The following DMRT1 variants were observed in gnomAD, a reference collection of about 807,000 sequenced individuals.
DMRT1 encodes the protein doublesex- and mab-3-related transcription factor 1.
Under a neutral mutation model 32.3 loss-of-function variants are expected in DMRT1, and 7 were observed. The ratio of observed to expected loss-of-function variants is 0.22; its 90% CI spans 0.12 to 0.41. The LOEUF is 0.41. Ranked by LOEUF, DMRT1 falls within the 10% of genes least tolerant of loss-of-function variation. DMRT1 has a pLI of 1.00. For missense variants in DMRT1, 625 were observed against 500.5 expected, an observed-to-expected ratio of 1.25 and a Z score of -2.37; for synonymous variants, 278 against 206.1, an observed-to-expected ratio of 1.35 and a Z score of -2.99.
chr9:888,359 G>A (rs1371234805), intron 2 of DMRT1, among the ~76,000 whole-genome samples: 1 of 151,202 alleles, frequency 6.6e-6, no homozygotes, highest in Non-Finnish European at 1.5e-5. Context: ...AGGCTGGAGT[G>A]CAGTGGTGCG....
chr9:898,590 G>T (rs1817459582), intron 3 of DMRT1, among the ~76,000 whole-genome samples: 2 of 152,168 alleles, frequency 1.3e-5, no homozygotes, highest in Admixed American at 1.3e-4. Context: ...TTCTTTGGTT[G>T]CTGCCCTGCT....
chr9:927,664 C>G (rs930474674), intron 4 of DMRT1, among the ~76,000 whole-genome samples: 2 of 152,132 alleles, frequency 1.3e-5, no homozygotes, highest in Non-Finnish European at 2.9e-5. Context: ...ACGGGGTATA[C>G]AATAGATGCT....
chr9:852,620 T>C (rs1815202736), intron 2 of DMRT1, among the ~76,000 whole-genome samples: 1 of 152,232 alleles, frequency 6.6e-6, no homozygotes, highest in Admixed American at 6.5e-5. Context: ...AAGGGTTGCA[T>C]TGTAGATAAT....
chr9:947,870 C>T (rs1245981690), intron 4 of DMRT1, among the ~76,000 whole-genome samples: 3 of 152,098 alleles, frequency 2.0e-5, no homozygotes, highest in Non-Finnish European at 4.4e-5. Flanking sequence ...AGATCTCAGC[C>T]GGAGCTGGAT....
chr9:911,401 G>T (rs1410872205), intron 3 of DMRT1, among the ~76,000 whole-genome samples: 4 of 143,350 alleles, frequency 2.8e-5, no homozygotes, highest in Non-Finnish European at 4.6e-5. Flanking sequence ...TCTTTTTAAA[G>T]TTAGAAGAGA....
At chr9:889,844 G>A (rs1046119592) in intron 2 of DMRT1, among the ~76,000 whole-genome samples, 6 of 152,038 alleles carry the variant, frequency 3.9e-5, no homozygotes, top group Admixed American at 1.3e-4. Flanking sequence ...TTTAATGCAG[G>A]GACAGGCCTA....
intron 2 of DMRT1, among the ~76,000 whole-genome samples, chr9:853,166 C>T (rs1435763270): frequency 1.3e-5 from 2 of 152,138 alleles, no homozygotes; most frequent in Non-Finnish European, 2.9e-5. Context: ...CCTGCCCCAA[C>T]ACATGCAGAG....
intron 4 of DMRT1, among the ~76,000 whole-genome samples, chr9:939,174 C>T (rs1274286958): frequency 1.3e-5 from 2 of 152,260 alleles, no homozygotes; most frequent in East Asian, 3.8e-4. Context: ...TGCTCATCTT[C>T]TGTCTGTCCT....
intron 3 of DMRT1, among the ~76,000 whole-genome samples, chr9:910,916 A>T (rs1267548394): frequency 3.9e-5 from 6 of 152,210 alleles, no homozygotes; most frequent in Non-Finnish European, 5.9e-5. Flanking sequence ...GAATAAAAAA[A>T]AACCTTGAGA....
Position 876,416 on chromosome 9 carries a change from G to C in DMRT1, c.539-17496G>C, listed in dbSNP as rs1321260755. Reference sequence around the variant, plus strand: ...CCTAGACCATCACAGTCTGTCTTTGGAGCTTAAGAACTTGACCTCTTTGCT... The same window carrying C: ...CCTAGACCATCACAGTCTGTCTTTGCAGCTTAAGAACTTGACCTCTTTGCT... On this transcript the variant is annotated intron_variant, in intron 2 of 4. Coordinates refer to ENST00000382276, the MANE Select transcript of DMRT1 (RefSeq NM_021951.3). 3.3e-5 allele frequency among the ~76,000 whole-genome samples: 5 copies of C among 152,124 alleles called. No individual in the cohort carries two copies. In the East Asian group the frequency reaches 9.6e-4, roughly 29 times the overall value.
At chr9:867,896 A>G (rs1471687923) in intron 2 of DMRT1, among the ~76,000 whole-genome samples, 3 of 152,156 alleles carry the variant, frequency 2.0e-5, no homozygotes, top group African/African-American at 7.2e-5. Flanking sequence ...ACATTTTATC[A>G]TTCTGTAAAT....
chr9:896,386 C>A (rs546611010), intron 3 of DMRT1, among the ~76,000 whole-genome samples: 1 of 147,126 alleles, frequency 6.8e-6, no homozygotes, highest in Admixed American at 7.0e-5. Context: ...TCAAGTGATT[C>A]TCCTGCCTCA....
At chr9:874,751 G>T (rs1218689939) in intron 2 of DMRT1, among the ~76,000 whole-genome samples, 2 of 150,908 alleles carry the variant, frequency 1.3e-5, no homozygotes, top group African/African-American at 4.9e-5. Flanking sequence ...CTCTTCTTGG[G>T]ACTTGTCATA....
chr9:885,073 A>G (rs2132636666), intron 2 of DMRT1, among the ~76,000 whole-genome samples: 1 of 152,322 alleles, frequency 6.6e-6, no homozygotes, highest in South Asian at 2.1e-4. Context: ...GAGCGTGTGA[A>G]GGAGGCATGG....
chr9:962,225 A>T (rs1314612379), intron 4 of DMRT1, among the ~76,000 whole-genome samples: 1 of 152,188 alleles, frequency 6.6e-6, no homozygotes, highest in East Asian at 1.9e-4. Flanking sequence ...CCTCGTGTGC[A>T]CGCTTGCTCA....
intron 2 of DMRT1, among the ~76,000 whole-genome samples, chr9:871,620 C>G (rs1193874856): frequency 2.2e-5 from 2 of 90,286 alleles, no homozygotes; most frequent in African/African-American, 4.9e-5. Flanking sequence ...GGATTACAGA[C>G]GCGAGCCACC....
At chr9:921,886 G>A (rs916161133) in intron 4 of DMRT1, among the ~76,000 whole-genome samples, 1 of 152,066 alleles carries the variant, frequency 6.6e-6, no homozygotes, top group African/African-American at 2.4e-5. Context: ...ACTGCATCCA[G>A]CACTGCATCA....
chr9:954,681 C>T (rs982316548), intron 4 of DMRT1, among the ~76,000 whole-genome samples: 1 of 152,032 alleles, frequency 6.6e-6, no homozygotes, highest in African/African-American at 2.4e-5. Flanking sequence ...CTTGCTCTGT[C>T]GCCAAGCTGG....
At chr9:950,332 G>C (rs1420873159) in intron 4 of DMRT1, among the ~76,000 whole-genome samples, 1 of 152,062 alleles carries the variant, frequency 6.6e-6, no homozygotes. Flanking sequence ...GTCTCTCTGG[G>C]TCAGCAGGAG....
Sources: allele counts gnomAD v4.1 joint callset (sites outside exome capture counted in the v4.1 genomes callset), GRCh38; gene constraint gnomAD v4.1.1; transcripts MANE v1.5; gene names NCBI Gene and HGNC (gene_info 2026-07-23, HGNC 2026-07-21).